The following ZNF708 variants were observed in gnomAD, a reference collection of about 807,000 sequenced individuals.
The protein encoded by ZNF708 is ZNF15, ZNF15L1.
In ZNF708, 44 loss-of-function variants were observed where a neutral mutation model predicts 47.0. The observed-to-expected ratio is 0.94, with a 90% CI of 0.74 to 1.20. The LOEUF (loss-of-function observed/expected upper bound fraction) is 1.20, where lower values mean the gene tolerates loss of function less well. Among genes scored for constraint, ZNF708 ranks in the 50% most tolerant of loss-of-function variants. The pLI is 0.00. For synonymous variants in ZNF708, 184 were observed against 218.5 expected, an observed-to-expected ratio of 0.84 and a Z score of 1.39; for missense variants, 557 against 656.0, an observed-to-expected ratio of 0.85 and a Z score of 1.65.
At position 21,293,302 on chromosome 19, in the gene ZNF708, G is replaced by C. The variant is rs763913248; in HGVS notation, c.1664C>G (p.Thr555Ser). 6.2e-7 allele frequency: 1 copy of C among 1,609,344 alleles called. No homozygotes were observed. The highest frequency in any genetic ancestry group is 1.1e-5 in the South Asian group (1 of 90,442). ...PNLTKHKRIH[T>S]KEKPYKCK Reference sequence around the variant, plus strand: ...TTTACATTTGTAGGGTTTCTCTTTGGTATGAATTCTCTTATGTTTAGTAAG... The same window carrying C: ...TTTACATTTGTAGGGTTTCTCTTTGCTATGAATTCTCTTATGTTTAGTAAG... The change falls in exon 4 of 4, where the codon ACC (threonine) becomes AGC (serine). Residue 555 changes from threonine to serine, a missense_variant. Thr to Ser is a moderately conservative substitution (Grantham distance 58). Transcript: ENST00000356929.
chr19:21,295,468 G>A (rs954990137), intron 3 of ZNF708, among the ~76,000 whole-genome samples: 5 of 152,118 alleles, frequency 3.3e-5, no homozygotes, highest in African/African-American at 9.6e-5. Flanking sequence ...TGACAGGGCC[G>A]GGCACAGTAG....
chr19:21,322,933 C>T (rs1973182036), intron 1 of ZNF708, among the ~76,000 whole-genome samples: 1 of 152,160 alleles, frequency 6.6e-6, no homozygotes, highest in African/African-American at 2.4e-5. Flanking sequence ...CATTTCTGAG[C>T]TACTGTTTAA....
chr19:21,318,547 C>G (rs1973062033), intron 1 of ZNF708: 1 of 151,982 alleles, frequency 6.6e-6, no homozygotes, highest in African/African-American at 2.4e-5. Flanking sequence ...CTTAAAATAC[C>G]CCTAATGCAC....
chr19:21,305,517 G>A (rs1278526454), intron 3 of ZNF708, among the ~76,000 whole-genome samples: 2 of 150,476 alleles, frequency 1.3e-5, no homozygotes, highest in Non-Finnish European at 3.0e-5. Context: ...TGGCTGTAGT[G>A]GCCTGATCTC....
At chr19:21,297,114 C>CAG (rs1172910566) in intron 3 of ZNF708, among the ~76,000 whole-genome samples, 1 of 150,274 alleles carries the variant, frequency 6.7e-6, no homozygotes, top group African/African-American at 2.4e-5. Context: ...GCCTGGGTGA[C>CAG]AGAGCAAGAC....
intron 3 of ZNF708, among the ~76,000 whole-genome samples, chr19:21,297,193 A>G (rs1972542155): frequency 1.4e-5 from 2 of 142,558 alleles, no homozygotes; most frequent in South Asian, 2.2e-4. Flanking sequence ...CAACATCAGT[A>G]ACAAAGTAGA....
intron 3 of ZNF708, among the ~76,000 whole-genome samples, chr19:21,296,227 A>C (rs1353116601): frequency 2.6e-5 from 4 of 151,958 alleles, no homozygotes; most frequent in Admixed American, 6.6e-5. Flanking sequence ...GTGGCCGGGC[A>C]CAGTGGCTCG....
intron 1 of ZNF708, among the ~76,000 whole-genome samples, chr19:21,312,213 T>C (rs1344270869): frequency 6.6e-6 from 1 of 151,752 alleles, no homozygotes; most frequent in Non-Finnish European, 1.5e-5. Flanking sequence ...GACAATCGCT[T>C]GAATGTGGGA....
At chr19:21,312,977 C>G (rs1207665370) in intron 1 of ZNF708, among the ~76,000 whole-genome samples, 1 of 145,648 alleles carries the variant, frequency 6.9e-6, no homozygotes, top group Non-Finnish European at 1.5e-5. Flanking sequence ...GTGTATTAAG[C>G]AGGCGCTATG....
chr19:21,324,907 T>A (rs143085453), intron 1 of ZNF708, among the ~76,000 whole-genome samples: 16 of 152,018 alleles, frequency 1.1e-4, no homozygotes, highest in African/African-American at 3.9e-4. Flanking sequence ...AGCAATTATC[T>A]ACCACATTTT....
chr19:21,312,578 T>A (rs559354871), intron 1 of ZNF708, among the ~76,000 whole-genome samples: 2 of 152,330 alleles, frequency 1.3e-5, no homozygotes, highest in African/African-American at 4.8e-5. Context: ...ATGAGAAGCC[T>A]GGGCTGATAA....
intron 1 of ZNF708, among the ~76,000 whole-genome samples, chr19:21,319,822 GA>G (rs1973091539): frequency 6.6e-6 from 1 of 152,206 alleles, no homozygotes; most frequent in Non-Finnish European, 1.5e-5. Context: ...CAAAGTTGCA[GA>G]GGAAAGGAAA....
chr19:21,322,196 G>A (rs921662288), intron 1 of ZNF708, among the ~76,000 whole-genome samples: 1 of 152,154 alleles, frequency 6.6e-6, no homozygotes, highest in African/African-American at 2.4e-5. Flanking sequence ...GTGTGGACAC[G>A]TCAATGTCTA....
intron 3 of ZNF708, among the ~76,000 whole-genome samples, chr19:21,296,827 G>T (rs1210467557): frequency 6.6e-6 from 1 of 151,820 alleles, no homozygotes; most frequent in Non-Finnish European, 1.5e-5. Context: ...ATCTGTTAAT[G>T]TAACATAAAA....
Position 21,294,418 on chromosome 19 carries a change from A to G in ZNF708, c.548T>C (p.Leu183Pro), listed in dbSNP as rs1191217626. The change falls in exon 4 of 4, where the codon CTA becomes CCA. Residue 183 changes from leucine to proline, a missense_variant. Coordinates refer to ENST00000356929, the MANE Select transcript of ZNF708 (RefSeq NM_021269.3). Reference sequence around the variant, plus strand: ...AGTATGAATTATCTCATGTTGAGTTAGTTGTGAAAGCATGCAAAATGATTT... The same window carrying G: ...AGTATGAATTATCTCATGTTGAGTTGGTTGTGAAAGCATGCAAAATGATTT... Reference protein sequence around the residue: ...CGKSFCMLSQLTQHEIIHTGE... With the variant: ...CGKSFCMLSQPTQHEIIHTGE... 6.2e-7 allele frequency: 1 copy of G among 1,614,138 alleles called. No individual in the cohort carries two copies. Among genetic ancestry groups the G allele is most frequent in the South Asian group, 1.1e-5 (1 of 91,082 alleles).
At chr19:21,324,716 A>G (rs80279856) in intron 1 of ZNF708, among the ~76,000 whole-genome samples, 3,276 of 152,276 alleles carry the variant, frequency 0.022, 118 homozygotes, top group African/African-American at 0.074. Flanking sequence ...TATTATTTCC[A>G]TTAAAAGTCA....
In ZNF708 at chr19:21,291,651, G is replaced by T. The variant is rs1011771002; in HGVS notation, c.*1623C>A. On this transcript the variant is annotated 3_prime_UTR_variant, in exon 4 of 4. Coordinates refer to ENST00000356929, the MANE Select transcript of ZNF708 (RefSeq NM_021269.3). ...GGAAGCCAAGCTGGGCAGAGCATGA[G>T]GTCAGGAGTTCAAGACTACCCTGAC... is the stretch of plus-strand genomic sequence containing the variant. The T allele has an allele frequency of 6.6e-6, 1 of 152,054 alleles. No individual in the cohort carries two copies. The highest frequency in any genetic ancestry group is 1.5e-5 in the Non-Finnish European group (1 of 68,026). The allele number at this position is 152,054 out of a possible 1,614,324, so 9.4% of individuals were successfully genotyped here. A position where few individuals can be genotyped will look rare whatever the true frequency, so the allele number is the denominator to read the frequency against.
At chr19:21,308,414 G>A (rs113878987) in intron 3 of ZNF708, among the ~76,000 whole-genome samples, 4,019 of 151,944 alleles carry the variant, frequency 0.026, 167 homozygotes, top group African/African-American at 0.091. Context: ...AGAGTAGCTG[G>A]GATTACAGGC....
chr19:21,311,693 A>T (rs949422598), intron 1 of ZNF708, among the ~76,000 whole-genome samples: 1 of 152,194 alleles, frequency 6.6e-6, no homozygotes, highest in Non-Finnish European at 1.5e-5. Context: ...GAAGACTTGC[A>T]GAAAAAGTCC....
Sources: gnomAD v4.1 joint callset for allele counts (sites outside exome capture counted in the v4.1 genomes callset) on GRCh38, gnomAD v4.1.1 for gene constraint, MANE v1.5 for transcripts, NCBI Gene and HGNC (gene_info 2026-07-23, HGNC 2026-07-21) for gene names.